Variants in PLPP1 observed in about 807,000 individuals in gnomAD.
PLPP1 encodes lipid phosphate phosphohydrolase 1a.
In PLPP1, 24 loss-of-function variants were observed where a neutral mutation model predicts 31.2. The ratio of observed to expected loss-of-function variants is 0.77; its 90% CI spans 0.56 to 1.08. PLPP1 has a LOEUF of 1.08. PLPP1 is among the 50% of genes least tolerant of loss of function. PLPP1 has a pLI of 0.00. For synonymous variants in PLPP1, 146 were observed against 126.3 expected, an observed-to-expected ratio of 1.16 and a Z score of -1.05; for missense variants, 319 against 342.7, an observed-to-expected ratio of 0.93 and a Z score of 0.55.
intron 4 of PLPP1, 131 bp downstream of exon 4, chr5:55,441,720 A>G (rs1579925002): frequency 1.0e-6 from 1 of 993,338 alleles, no homozygotes; most frequent in Non-Finnish European, 1.6e-6. Context: ...TATGAAACTT[A>G]CAGATTTGCA....
At chr5:55,470,482 AT>A (rs1752392517) in intron 2 of PLPP1, among the ~76,000 whole-genome samples, 1 of 152,244 alleles carries the variant, frequency 6.6e-6, no homozygotes, top group South Asian at 2.1e-4. Context: ...TGCTAGGAAT[AT>A]TCAGAATACT....
rs1561237121 is a variant in PLPP1, at chr5:55,474,004, T to TTTTGTTTTTG, written c.210+1294_210+1295insCAAAAACAAA. ...TTTTTTTGTTTGTTTGTTGTTTTTT[T>TTTTGTTTTTG]TTTTTTTTTCCAGACGGAGTCTCAT... On this transcript the variant is annotated intron_variant, in intron 2 of 5. Coordinates refer to ENST00000307259, the MANE Select transcript of PLPP1 (RefSeq NM_003711.4). Among the ~76,000 whole-genome samples, 22 of 150,758 alleles carry TTTTGTTTTTG rather than the reference T, an allele frequency of 1.5e-4. 1 individual carries two copies. Among genetic ancestry groups the TTTTGTTTTTG allele is most frequent in the African/African-American group, 5.3e-4 (22 of 41,196 alleles).
At chr5:55,439,138 A>G (rs1287127501) in intron 4 of PLPP1, among the ~76,000 whole-genome samples, 1 of 152,130 alleles carries the variant, frequency 6.6e-6, no homozygotes, top group East Asian at 1.9e-4. Flanking sequence ...TGTTAAATCA[A>G]ACTAAAATCT....
chr5:55,460,059 T>C (rs1344860333), intron 3 of PLPP1, among the ~76,000 whole-genome samples: 3 of 152,220 alleles, frequency 2.0e-5, no homozygotes, highest in African/African-American at 7.2e-5. Context: ...TTTACGTTAT[T>C]AAGGCTTCCA....
At chr5:55,488,619 C>A (rs1385151983) in intron 1 of PLPP1, among the ~76,000 whole-genome samples, 1 of 151,590 alleles carries the variant, frequency 6.6e-6, no homozygotes, top group Non-Finnish European at 1.5e-5. Context: ...GCACTCCAGC[C>A]CAGGCAACAG....
intron 1 of PLPP1, among the ~76,000 whole-genome samples, chr5:55,498,734 C>T (rs1488063024): frequency 6.6e-6 from 1 of 151,708 alleles, no homozygotes; most frequent in Non-Finnish European, 1.5e-5. Flanking sequence ...ATCTGAAGTC[C>T]AAGAACACGC....
chr5:55,525,147 C>T (rs36119454), intron 1 of PLPP1, among the ~76,000 whole-genome samples: 99,749 of 152,052 alleles, frequency 0.66, 34,050 homozygotes, highest in Non-Finnish European at 0.77. Flanking sequence ...GTGTTTTTGT[C>T]CCTAATACAA....
At chr5:55,518,123 G>A (rs1224849073) in intron 1 of PLPP1, among the ~76,000 whole-genome samples, 2 of 152,214 alleles carry the variant, frequency 1.3e-5, no homozygotes, top group South Asian at 2.1e-4. Flanking sequence ...ATGGGCCACC[G>A]CACCCAGCCC....
At chr5:55,502,229 C>A (rs1029542389) in intron 1 of PLPP1, among the ~76,000 whole-genome samples, 7 of 149,136 alleles carry the variant, frequency 4.7e-5, no homozygotes, top group African/African-American at 1.8e-4. Context: ...TGGCTCATGC[C>A]TGTAATCCCA....
chr5:55,507,579 A>G (rs944322874), intron 1 of PLPP1, among the ~76,000 whole-genome samples: 3 of 152,244 alleles, frequency 2.0e-5, no homozygotes, highest in African/African-American at 7.2e-5. Flanking sequence ...CCACGACAGC[A>G]TGCTAGGTGT....
chr5:55,488,752 C>T (rs374908883), intron 1 of PLPP1, among the ~76,000 whole-genome samples: 98 of 152,246 alleles, frequency 6.4e-4, no homozygotes, highest in African/African-American at 2.2e-3. Flanking sequence ...GGTAGTAGAA[C>T]TAAGGGCTAT....
rs1002530491 is a variant in PLPP1, at chr5:55,441,430, G to C, written c.549+421C>G. Among the ~76,000 whole-genome samples the C allele has an allele frequency of 8.5e-5, 13 of 152,306 alleles. 1 individual carries two copies. In the South Asian group the frequency reaches 2.7e-3, roughly 32 times the overall value. ...AGAAAATGGGAGGAAAACAAAATCT[G>C]CTCAAATAGGAACAAGGACAGCTGC... On this transcript the variant is annotated intron_variant, in intron 4 of 5. Transcript: ENST00000307259.
At chr5:55,427,201 C>T (rs187541427) in intron 4 of PLPP1, among the ~76,000 whole-genome samples, 16 of 152,186 alleles carry the variant, frequency 1.1e-4, no homozygotes, top group African/African-American at 3.9e-4. Context: ...AAATTAAATG[C>T]AGTCCTTAGA....
rs200128975 is a variant in PLPP1, at chr5:55,512,512, AAAAGAAAGAAAGAAAGAAAGAAAGAAAG to A, written c.58+22032_58+22059del. Among the ~76,000 whole-genome samples, 211 of 36,850 alleles carry A rather than the reference AAAAGAAAGAAAGAAAGAAAGAAAGAAAG, an allele frequency of 5.7e-3. 6 individuals are homozygous for A. The highest frequency in any genetic ancestry group is 0.015 in the African/African-American group (194 of 13,348). The allele number at this position is 36,850 out of a possible 152,430, so 24.2% of individuals were successfully genotyped here. A position where few individuals can be genotyped will look rare whatever the true frequency, so the allele number is the denominator to read the frequency against. On this transcript the variant is annotated intron_variant, in intron 1 of 5. Transcript: ENST00000307259. ...AGAAAGAAAGAAAAGAAAAGAAAAG[AAAAGAAAGAAAGAAAGAAAGAAAGAAAG>A]AAAGAAAGAAAGAAAGAAAGAAAGA...
At chr5:55,480,667 C>T (rs1752650408) in intron 1 of PLPP1, among the ~76,000 whole-genome samples, 1 of 151,864 alleles carries the variant, frequency 6.6e-6, no homozygotes, top group Admixed American at 6.6e-5. Context: ...ATGTATATAC[C>T]ACATTTGGTT....
At chr5:55,532,792 A>G (rs1417692169) in intron 1 of PLPP1, among the ~76,000 whole-genome samples, 1 of 152,030 alleles carries the variant, frequency 6.6e-6, no homozygotes, top group African/African-American at 2.4e-5. Flanking sequence ...CCCCGTCTCT[A>G]CTAAAAATAC....
intron 3 of PLPP1, among the ~76,000 whole-genome samples, chr5:55,459,976 TTC>T (rs2111764682): frequency 6.6e-6 from 1 of 152,344 alleles, no homozygotes; most frequent in South Asian, 2.1e-4. Context: ...TCATTTTCTT[TTC>T]TCTACCACAC....
intron 2 of PLPP1, among the ~76,000 whole-genome samples, chr5:55,469,923 G>T (rs1475532098): frequency 6.6e-6 from 1 of 152,210 alleles, no homozygotes; most frequent in Non-Finnish European, 1.5e-5. Flanking sequence ...AACAAAGTAG[G>T]TGGTCAATAA....
chr5:55,436,020 A>G (rs1193294465), intron 4 of PLPP1, among the ~76,000 whole-genome samples: 29 of 2,800 alleles, frequency 0.01, no homozygotes, highest in African/African-American at 0.02. Flanking sequence ...TCTCAGAGAA[A>G]AAAAAAAAAA....
Sources: gnomAD v4.1 joint callset for allele counts (sites outside exome capture counted in the v4.1 genomes callset) on GRCh38, gnomAD v4.1.1 for gene constraint, MANE v1.5 for transcripts, NCBI Gene and HGNC (gene_info 2026-07-23, HGNC 2026-07-21) for gene names.